SNX30: variants seen among roughly 807,000 people sequenced by gnomAD.
SNX30 encodes the protein sorting nexin family member 30, also known as sorting nexin-30.
SNX30 carries 24 observed loss-of-function variants against 46.4 expected under a neutral mutation model. That is an observed-to-expected ratio of 0.52 (90% confidence interval 0.37 to 0.73). The LOEUF (loss-of-function observed/expected upper bound fraction) is 0.73, where lower values mean the gene tolerates loss of function less well. Among genes scored for constraint, SNX30 ranks in the 30% least tolerant of loss-of-function variants. The pLI is 0.00. For missense variants in SNX30, 533 were observed against 555.7 expected, an observed-to-expected ratio of 0.96 and a Z score of 0.41; for synonymous variants, 189 against 211.5, an observed-to-expected ratio of 0.89 and a Z score of 0.92.
At chr9:112,808,666 T>C (rs1440069018) in intron 2 of SNX30, among the ~76,000 whole-genome samples, 1 of 152,210 alleles carries the variant, frequency 6.6e-6, no homozygotes, top group Non-Finnish European at 1.5e-5. Context: ...GCCTATACGC[T>C]CACCAGCCAG....
In SNX30 at chr9:112,869,340, G is replaced by A. The variant is rs911607511; in HGVS notation, c.*497G>A. ...ACTCGTCTTGGCCTAGGAGGCATTG[G>A]TGCCTCCCTGGCAAGTCCTTAACGT... On this transcript the variant is annotated 3_prime_UTR_variant, in exon 9 of 9. Coordinates refer to ENST00000374232, the MANE Select transcript of SNX30 (RefSeq NM_001012994.2). 4 of 177,586 alleles carry A rather than the reference G, an allele frequency of 2.3e-5. No individual in the cohort carries two copies. The highest frequency in any genetic ancestry group is 5.4e-5 in the Admixed American group (1 of 18,378). 11.0% of individuals were successfully genotyped at this position (177,586 alleles called of 1,614,324 possible).
At chr9:112,798,132 T>TTTC (rs1840143251) in intron 1 of SNX30, among the ~76,000 whole-genome samples, 1 of 56,382 alleles carries the variant, frequency 1.8e-5, no homozygotes, top group Non-Finnish European at 4.0e-5. Flanking sequence ...TTTTTTTTTT[T>TTTC]TTTTTTTTAT....
At chr9:112,852,541 A>G (rs1841045486) in intron 7 of SNX30, among the ~76,000 whole-genome samples, 1 of 152,140 alleles carries the variant, frequency 6.6e-6, no homozygotes. Context: ...GTATATGTGC[A>G]TGTATGTGTA....
intron 8 of SNX30, 50 bp from the exon 9 acceptor site, chr9:112,868,734 C>A (rs374427003): frequency 6.2e-7 from 1 of 1,607,186 alleles, no homozygotes; most frequent in African/African-American, 1.3e-5. Flanking sequence ...GAAGCTGACC[C>A]GAAATCGGAA....
chr9:112,797,144 C>T (rs961540824), intron 1 of SNX30, among the ~76,000 whole-genome samples: 10 of 152,196 alleles, frequency 6.6e-5, no homozygotes, highest in Admixed American at 1.3e-4. Flanking sequence ...ACCTCCAAAC[C>T]AAACAAGATA....
At chr9:112,756,286 C>T (rs921279517) in intron 1 of SNX30, among the ~76,000 whole-genome samples, 4 of 152,044 alleles carry the variant, frequency 2.6e-5, no homozygotes, top group African/African-American at 9.7e-5. Flanking sequence ...CAACTTCACA[C>T]CTTCTCACTC....
At chr9:112,881,712 A>T (rs576558806), downstream of SNX30, 6 of 152,348 alleles carry the variant, frequency 3.9e-5, no homozygotes, top group Non-Finnish European at 7.3e-5. Flanking sequence ...AACACAGAAG[A>T]TACAGGGAGA....
intron 7 of SNX30, among the ~76,000 whole-genome samples, chr9:112,852,172 G>A (rs950943071): frequency 6.6e-6 from 1 of 151,866 alleles, no homozygotes; most frequent in South Asian, 2.1e-4. Flanking sequence ...GAGGCCAGGA[G>A]TTAGAGGCTG....
chr9:112,783,444 C>G (rs967185787), intron 1 of SNX30, among the ~76,000 whole-genome samples: 10 of 152,212 alleles, frequency 6.6e-5, no homozygotes, highest in African/African-American at 2.4e-4. Flanking sequence ...AGAGTGTGAA[C>G]TTAAACATTT....
At chr9:112,817,873 G>A (rs1840426042) in intron 3 of SNX30, 58 bp downstream of exon 3, 2 of 1,144,720 alleles carry the variant, frequency 1.7e-6, no homozygotes, top group Non-Finnish European at 2.7e-6. Context: ...CTTTCCTGAA[G>A]GGGTTCACTC....
intron 6 of SNX30, among the ~76,000 whole-genome samples, chr9:112,850,129 C>T (rs780159744): frequency 4.6e-5 from 7 of 152,198 alleles, no homozygotes; most frequent in Non-Finnish European, 8.8e-5. Context: ...TTACATTTTG[C>T]ACCCCGGGTG....
intron 6 of SNX30, among the ~76,000 whole-genome samples, chr9:112,840,000 C>G (rs1840829282): frequency 6.6e-6 from 1 of 152,222 alleles, no homozygotes; most frequent in South Asian, 2.1e-4. Context: ...TGACAAACTG[C>G]CACATACCCA....
chr9:112,852,243 G>A (rs1260439341), intron 7 of SNX30, among the ~76,000 whole-genome samples: 2 of 116,324 alleles, frequency 1.7e-5, no homozygotes, highest in African/African-American at 6.4e-5. Context: ...AGCATAGGGA[G>A]ACCCTATCTT....
In SNX30 at chr9:112,777,566, A is replaced by G. The variant is rs982888997; in HGVS notation, c.156+26409A>G. On this transcript the variant is annotated intron_variant, in intron 1 of 8. Transcript: ENST00000374232. ...CTCAGTTTCCAGAGTAGCTGGGACT[A>G]CAGGTGCATACCACCACACCCAGCT... Among the ~76,000 whole-genome samples, 12 of 150,022 alleles carry G rather than the reference A, an allele frequency of 8.0e-5. No homozygotes were observed. The East Asian group carries it at 1.2e-3, about 15-fold the overall frequency.
chr9:112,862,927 A>C (rs1203023286), intron 7 of SNX30, among the ~76,000 whole-genome samples: 4 of 152,012 alleles, frequency 2.6e-5, no homozygotes. Context: ...ATCTTAACAG[A>C]AAAATTCCTT....
chr9:112,832,836 A>G (rs1161375479), intron 4 of SNX30, among the ~76,000 whole-genome samples: 3 of 146,916 alleles, frequency 2.0e-5, no homozygotes, highest in Non-Finnish European at 4.5e-5. Context: ...TATAATAAAT[A>G]TATTAATATA....
At chr9:112,847,480 T>C (rs548128327) in intron 6 of SNX30, among the ~76,000 whole-genome samples, 1 of 151,940 alleles carries the variant, frequency 6.6e-6, no homozygotes. Context: ...ACTACCTAAT[T>C]ATGTTTAAAT....
At chr9:112,814,207 A>G (rs1205166413) in intron 2 of SNX30, among the ~76,000 whole-genome samples, 2 of 152,252 alleles carry the variant, frequency 1.3e-5, no homozygotes, top group Non-Finnish European at 2.9e-5. Context: ...AAGAACTTAC[A>G]CAAATGAAAA....
At chr9:112,879,852 A>G, downstream of SNX30, 1 of 1,595,544 alleles carries the variant, frequency 6.3e-7, no homozygotes, top group Non-Finnish European at 8.6e-7. Context: ...GTTACAAGAG[A>G]ACAGCTGGAA....
Sources: gnomAD v4.1 joint callset for allele counts (sites outside exome capture counted in the v4.1 genomes callset) on GRCh38, gnomAD v4.1.1 for gene constraint, MANE v1.5 for transcripts, NCBI Gene and HGNC (gene_info 2026-07-23, HGNC 2026-07-21) for gene names.